The following B3GALT1 variants were observed in gnomAD, a reference collection of about 807,000 sequenced individuals.
The protein encoded by B3GALT1 is beta-1,3-galactosyltransferase 1, also known as UDP-Gal:betaGlcNAc beta 1,3-galactosyltransferase, polypeptide 1.
A neutral mutation model predicts 23.2 loss-of-function variants in B3GALT1; 10 were observed. That is an observed-to-expected ratio of 0.43 (90% CI 0.27 to 0.73). The LOEUF (loss-of-function observed/expected upper bound fraction) is 0.73, where lower values mean the gene tolerates loss of function less well. B3GALT1 is among the 30% of genes least tolerant of loss of function. B3GALT1 has a pLI of 0.21. For missense variants in B3GALT1, 299 were observed against 405.4 expected, an observed-to-expected ratio of 0.74 and a Z score of 2.25; for synonymous variants, 156 against 141.5, an observed-to-expected ratio of 1.10 and a Z score of -0.73.
At chr2:167,705,749 A>G (rs780780276) in intron 3 of B3GALT1, among the ~76,000 whole-genome samples, 3 of 152,232 alleles carry the variant, frequency 2.0e-5, no homozygotes, top group Non-Finnish European at 4.4e-5. Context: ...AACTGAGGAC[A>G]TAAAAGTCAC....
At chr2:167,416,283 A>G (rs1283209849) in intron 1 of B3GALT1, among the ~76,000 whole-genome samples, 1 of 152,164 alleles carries the variant, frequency 6.6e-6, no homozygotes, top group Non-Finnish European at 1.5e-5. Flanking sequence ...TCATTCCAAC[A>G]TAGTCCTCCT....
Position 167,412,216 on chromosome 2 carries a change from A to C in B3GALT1, c.-510-77961A>C, listed in dbSNP as rs536479289. ...GAATCACAATGTCTCTTTTCATCAAAAAGTCATTAAACGTGAAGAAAAGTA... is the reference window on the plus strand; with the variant it reads ...GAATCACAATGTCTCTTTTCATCAACAAGTCATTAAACGTGAAGAAAAGTA... On this transcript the variant is annotated intron_variant, in intron 1 of 4. Transcript: ENST00000392690. Among the ~76,000 whole-genome samples the C allele has an allele frequency of 1.2e-4, 19 of 152,360 alleles. No homozygotes were observed. In the South Asian group the frequency reaches 3.9e-3, roughly 32 times the overall value.
chr2:167,513,832 T>G (rs1574112519), intron 2 of B3GALT1, among the ~76,000 whole-genome samples: 1 of 152,184 alleles, frequency 6.6e-6, no homozygotes, highest in Non-Finnish European at 1.5e-5. Context: ...TTCAGTTTTA[T>G]TTTTACTGCT....
intron 3 of B3GALT1, among the ~76,000 whole-genome samples, chr2:167,728,224 C>T (rs1055108248): frequency 3.3e-5 from 5 of 152,228 alleles, no homozygotes; most frequent in African/African-American, 7.2e-5. Context: ...CCAGCCTCTA[C>T]TAAAAATACA....
At chr2:167,739,915 A>T (rs1319214868) in intron 3 of B3GALT1, among the ~76,000 whole-genome samples, 3 of 147,288 alleles carry the variant, frequency 2.0e-5, no homozygotes, top group Non-Finnish European at 4.5e-5. Context: ...ACACAGTAAG[A>T]AGTTGTCTCT....
At chr2:167,621,477 C>T (rs760974350) in intron 2 of B3GALT1, among the ~76,000 whole-genome samples, 1 of 151,982 alleles carries the variant, frequency 6.6e-6, no homozygotes, top group Non-Finnish European at 1.5e-5. Flanking sequence ...ACCTTTCTGC[C>T]ACTAATCATA....
chr2:167,378,073 C>T (rs1461099177), intron 1 of B3GALT1, among the ~76,000 whole-genome samples: 1 of 152,138 alleles, frequency 6.6e-6, no homozygotes, highest in Non-Finnish European at 1.5e-5. Context: ...TTCTCCTTCA[C>T]TTATGATTCT....
At chr2:167,443,181 T>C (rs1428385416) in intron 1 of B3GALT1, among the ~76,000 whole-genome samples, 1 of 151,952 alleles carries the variant, frequency 6.6e-6, no homozygotes, top group East Asian at 1.9e-4. Flanking sequence ...GATCAGATAG[T>C]TGTAGATATG....
chr2:167,800,211 TA>T (rs1339516758), intron 3 of B3GALT1, among the ~76,000 whole-genome samples: 1 of 152,186 alleles, frequency 6.6e-6, no homozygotes, highest in Non-Finnish European at 1.5e-5. Flanking sequence ...TTCGTGGACA[TA>T]AAATCATTGG....
In B3GALT1 at chr2:167,603,727, A is replaced by C. The variant is rs573495151; in HGVS notation, c.-409-43182A>C. 3.3e-5 allele frequency among the ~76,000 whole-genome samples: 5 copies of C among 152,292 alleles called. No individual in the cohort carries two copies. In the East Asian group the frequency reaches 7.7e-4, roughly 24 times the overall value. ...TACCTTTTTGGCTTTCTGGCTCTCA[A>C]ATCACATCTTCTTTCCCTTGAAGTT... On this transcript the variant is annotated intron_variant, in intron 2 of 4. Coordinates refer to ENST00000392690, the MANE Select transcript of B3GALT1 (RefSeq NM_020981.4).
intron 3 of B3GALT1, among the ~76,000 whole-genome samples, chr2:167,761,281 T>C (rs71428998): frequency 6.6e-6 from 1 of 152,322 alleles, no homozygotes; most frequent in African/African-American, 2.4e-5. Flanking sequence ...AAGCATCATT[T>C]CCCTCAGAAC....
At position 167,839,615 on chromosome 2, in the gene B3GALT1, T is replaced by G. The variant is rs1159499154; in HGVS notation, c.-230+20822T>G. Among the ~76,000 whole-genome samples the G allele has an allele frequency of 4.9e-3, 745 of 152,340 alleles. 2 individuals carry two copies. Among genetic ancestry groups the G allele is most frequent in the African/African-American group, 0.017 (696 of 41,564 alleles). ...ATGGCCATACTGCCCAAGGTAATTT[T>G]TAGATTCAATGCCATCCCCATCAAG... On this transcript the variant is annotated intron_variant, in intron 4 of 4. Transcript: ENST00000392690.
At chr2:167,863,392 T>C (rs1690143883) in intron 4 of B3GALT1, among the ~76,000 whole-genome samples, 1 of 152,216 alleles carries the variant, frequency 6.6e-6, no homozygotes, top group African/African-American at 2.4e-5. Context: ...CTGCACTTTG[T>C]ATCATAATAC....
chr2:167,605,084 C>T (rs541235616), intron 2 of B3GALT1, among the ~76,000 whole-genome samples: 1 of 152,280 alleles, frequency 6.6e-6, no homozygotes, highest in South Asian at 2.1e-4. Flanking sequence ...TTTGGCAAAG[C>T]GCCTACTTCC....
intron 3 of B3GALT1, among the ~76,000 whole-genome samples, chr2:167,709,230 A>G (rs1300742581): frequency 6.6e-6 from 1 of 152,202 alleles, no homozygotes; most frequent in Admixed American, 6.5e-5. Context: ...GTGGTGCCAA[A>G]GGGAGGAAGG....
chr2:167,326,726 AT>A (rs1411078424), intron 1 of B3GALT1, among the ~76,000 whole-genome samples: 17 of 151,970 alleles, frequency 1.1e-4, no homozygotes, highest in African/African-American at 2.2e-4. Context: ...GTTTCACTCT[AT>A]CGCCCAGGCT....
chr2:167,584,165 G>C lies in B3GALT1; in HGVS notation c.-409-62744G>C, dbSNP rs149049157. Among the ~76,000 whole-genome samples, 471 of 152,244 alleles carry C rather than the reference G, an allele frequency of 3.1e-3. 1 individual carries two copies. Among genetic ancestry groups the C allele is most frequent in the Non-Finnish European group, 4.4e-3 (300 of 68,016 alleles). ...GCTATTTCTTAAATGGCAGGGAGCT[G>C]AGAGGCTGAGTAGAATATAGCAGTT... On this transcript the variant is annotated intron_variant, in intron 2 of 4. Coordinates refer to ENST00000392690, the MANE Select transcript of B3GALT1 (RefSeq NM_020981.4).
intron 1 of B3GALT1, among the ~76,000 whole-genome samples, chr2:167,391,128 T>C (rs1574060567): frequency 6.6e-6 from 1 of 152,224 alleles, no homozygotes; most frequent in Non-Finnish European, 1.5e-5. Context: ...ATGGAGGTTG[T>C]ACTTTTAGTC....
intron 1 of B3GALT1, among the ~76,000 whole-genome samples, chr2:167,466,613 C>CCA (rs1699348409): frequency 9.8e-6 from 1 of 102,162 alleles, no homozygotes; most frequent in Non-Finnish European, 2.0e-5. Context: ...GAGCAAGACT[C>CCA]TGTCAAAAAA....
Sources: gnomAD v4.1 joint callset for allele counts (sites outside exome capture counted in the v4.1 genomes callset) on GRCh38, gnomAD v4.1.1 for gene constraint, MANE v1.5 for transcripts, NCBI Gene and HGNC (gene_info 2026-07-23, HGNC 2026-07-21) for gene names.